TNFRSF21: variants seen among roughly 807,000 people sequenced by gnomAD.
The protein encoded by TNFRSF21 is TNF receptor superfamily member 21.
A neutral mutation model predicts 45.6 loss-of-function variants in TNFRSF21; 19 were observed. That is an observed-to-expected ratio of 0.42 (90% CI 0.29 to 0.61). The LOEUF (loss-of-function observed/expected upper bound fraction) is 0.61, where lower values mean the gene tolerates loss of function less well. TNFRSF21 is among the 20% of genes least tolerant of loss of function. The pLI, the probability that TNFRSF21 is intolerant of heterozygous loss-of-function variation, is 0.23. For missense variants in TNFRSF21, 737 were observed against 851.5 expected (o/e 0.87, Z 1.67); for synonymous variants, 314 against 335.5 (o/e 0.94, Z 0.70).
intron 1 of TNFRSF21, among the ~76,000 whole-genome samples, chr6:47,301,450 T>C (rs1482092575): frequency 6.6e-6 from 1 of 152,206 alleles, no homozygotes; most frequent in Non-Finnish European, 1.5e-5. Context: ...CTTCTACACA[T>C]AAAAGAATAG....
chr6:47,251,970 A>G (rs1023129980), intron 4 of TNFRSF21, among the ~76,000 whole-genome samples: 5 of 152,232 alleles, frequency 3.3e-5, no homozygotes, highest in African/African-American at 1.2e-4. Flanking sequence ...GAAGTTAAAA[A>G]TATGCCAGAG....
intron 4 of TNFRSF21, among the ~76,000 whole-genome samples, chr6:47,244,323 CA>C (rs764763953): frequency 0.23 from 17,787 of 75,868 alleles, 1,110 homozygotes; most frequent in African/African-American, 0.38. Context: ...GACTCCGTCT[CA>C]AAAAAAAAAA....
At chr6:47,301,723 C>T (rs951242027) in intron 1 of TNFRSF21, among the ~76,000 whole-genome samples, 5 of 152,164 alleles carry the variant, frequency 3.3e-5, no homozygotes, top group Non-Finnish European at 5.9e-5. Flanking sequence ...GCCGCCCTTC[C>T]GTTCTGCCAT....
intron 4 of TNFRSF21, among the ~76,000 whole-genome samples, chr6:47,240,121 C>T (rs1334890628): frequency 6.6e-6 from 1 of 152,146 alleles, no homozygotes; most frequent in African/African-American, 2.4e-5. Flanking sequence ...TGACACTACC[C>T]AGTTCAATAC....
Position 47,232,862 on chromosome 6 carries a change from T to A in TNFRSF21, c.1871A>T (p.Lys624Ile). The change falls in exon 6 of 6, where the codon AAA becomes ATA. Residue 624 changes from lysine to isoleucine, a missense_variant. Lys to Ile is a moderately radical substitution (Grantham distance 102). Transcript: ENST00000296861. ...VIEEIPQAED[K>I]LDRLFEIIGV... ...AATAATTTCGAATAGCCGGTCTAGT[T>A]TGTCCTCAGCCTGGGGAATCTCTTC... The A allele has an allele frequency of 6.2e-7, 1 of 1,614,182 alleles. No individual in the cohort carries two copies. The highest frequency in any genetic ancestry group is 1.7e-4 in the Middle Eastern group (1 of 6,058).
rs1762457164 is a variant in TNFRSF21 at position 47,273,552 on chromosome 6, A to G, written c.1243+10386T>C. ...TATTGATGACAAACCCACAGCCAAC[A>G]TCATACTGAATGGGCAAAAACTGGA... On this transcript the variant is annotated intron_variant, in intron 3 of 5. Transcript: ENST00000296861. Among the ~76,000 whole-genome samples, 6 of 152,206 alleles carry G rather than the reference A, an allele frequency of 3.9e-5. No individual in the cohort carries two copies. In the South Asian group the frequency reaches 1.2e-3, roughly 32 times the overall value.
At position 47,309,679 on chromosome 6, in the gene TNFRSF21, G is replaced by C; in HGVS notation, c.-168C>G. 9.5e-7 allele frequency: 1 copy of C among 1,052,522 alleles called. No homozygotes were observed. The highest frequency in any genetic ancestry group is 2.3e-5 in the South Asian group (1 of 43,200). 65.2% of individuals were successfully genotyped at this position (1,052,522 alleles called of 1,614,324 possible). ...CCGGGCAGAGGAGGGAGGCGGCAAG[G>C]GAGGCTCTAGGGGCGCTCAGCACCT... On this transcript the variant is annotated 5_prime_UTR_variant, in exon 1 of 6. Coordinates refer to ENST00000296861, the MANE Select transcript of TNFRSF21 (RefSeq NM_014452.5).
chr6:47,269,441 T>C (rs1390731716), intron 3 of TNFRSF21, among the ~76,000 whole-genome samples: 1 of 152,204 alleles, frequency 6.6e-6, no homozygotes, highest in Non-Finnish European at 1.5e-5. Flanking sequence ...GAATAACAAG[T>C]CTTTGTAAAG....
chr6:47,304,938 C>A (rs1762918160), intron 1 of TNFRSF21, among the ~76,000 whole-genome samples: 1 of 152,208 alleles, frequency 6.6e-6, no homozygotes, highest in Non-Finnish European at 1.5e-5. Context: ...AGGACTCCTG[C>A]ATTCCAGCAC....
chr6:47,275,185 A>T (rs541821995), intron 3 of TNFRSF21, among the ~76,000 whole-genome samples: 11 of 152,196 alleles, frequency 7.2e-5, no homozygotes, highest in Non-Finnish European at 1.3e-4. Flanking sequence ...AAATCATGCT[A>T]CTATAAAGAT....
rs371939288 is a variant in TNFRSF21 at position 47,232,900 on chromosome 6, C to T, written c.1833G>A (p.Glu611=). The T allele has an allele frequency of 6.2e-7, 1 of 1,614,104 alleles. No homozygotes were observed. The change falls in exon 6 of 6, where the codon GAG becomes GAA. Residue 611 remains glutamate, a synonymous_variant. Coordinates refer to ENST00000296861, the MANE Select transcript of TNFRSF21 (RefSeq NM_014452.5). The part of the protein sequence containing the change: ...DDMLHFLNPE[E]LRVIEEIPQA... ...GGGGAATCTCTTCAATCACCCGCAG[C>T]TCCTCAGGATTTAGAAAGTGGAGCA...
rs1353507962 is a variant in TNFRSF21 at position 47,284,146 on chromosome 6, G to A, written c.1035C>T (p.Asp345=). 6.2e-7 allele frequency: 1 copy of A among 1,614,244 alleles called. No individual in the cohort carries two copies. Among genetic ancestry groups the A allele is most frequent in the Non-Finnish European group, 8.5e-7 (1 of 1,180,042 alleles). ...TCATCCAGGGCAAATGCTCATTGAT[G>A]TCAAAATGCTTGTGTAGGTTCTGTC... ...HPRQNLHKHF[D]INEHLPWMIV... The change falls in exon 3 of 6, where the codon GAC becomes GAT. Residue 345 remains aspartate, a synonymous_variant. Transcript: ENST00000296861.
At chr6:47,234,597 C>A in intron 5 of TNFRSF21, 73 bp downstream of exon 5, 1 of 1,223,666 alleles carries the variant, frequency 8.2e-7, no homozygotes, top group Non-Finnish European at 1.2e-6. Context: ...GGACTGTGGA[C>A]GGGGAGGGAC....
rs188839653 is a variant in TNFRSF21, at chr6:47,252,633, C to A, written c.1509+623G>T. On this transcript the variant is annotated intron_variant, in intron 4 of 5. Coordinates refer to ENST00000296861, the MANE Select transcript of TNFRSF21 (RefSeq NM_014452.5). ...AGTAACTTACCCTTCATCACCTAAG[C>A]TAATATGTACCAGAGCCAGGATTCA... is the stretch of plus-strand genomic sequence containing the variant. 3.6e-3 allele frequency among the ~76,000 whole-genome samples: 545 copies of A among 152,326 alleles called. 4 individuals are homozygous for A. Among genetic ancestry groups the A allele is most frequent in the South Asian group, 0.021 (103 of 4,822 alleles).
chr6:47,259,497 C>A (rs1765039779), intron 3 of TNFRSF21, among the ~76,000 whole-genome samples: 1 of 152,084 alleles, frequency 6.6e-6, no homozygotes, highest in South Asian at 2.1e-4. Flanking sequence ...GCCTCAGGCT[C>A]CCGAGTAGCT....
intron 1 of TNFRSF21, among the ~76,000 whole-genome samples, chr6:47,292,923 C>G (rs759427255): frequency 6.6e-6 from 1 of 152,182 alleles, no homozygotes; most frequent in Non-Finnish European, 1.5e-5. Context: ...ACATAGCGTT[C>G]TGTGATTTGC....
chr6:47,263,482 C>T (rs886337737), intron 3 of TNFRSF21, among the ~76,000 whole-genome samples: 1 of 152,102 alleles, frequency 6.6e-6, no homozygotes, highest in Non-Finnish European at 1.5e-5. Context: ...TCCTGGAGCT[C>T]TCCACTGTTT....
At chr6:47,271,282 C>A (rs1433406757) in intron 3 of TNFRSF21, among the ~76,000 whole-genome samples, 2 of 152,188 alleles carry the variant, frequency 1.3e-5, no homozygotes, top group African/African-American at 4.8e-5. Context: ...AGGTTACCCA[C>A]AAAGGGAAGC....
At chr6:47,257,153 TAA>T (rs1031051853) in intron 3 of TNFRSF21, among the ~76,000 whole-genome samples, 7 of 152,208 alleles carry the variant, frequency 4.6e-5, no homozygotes, top group African/African-American at 1.7e-4. Context: ...TTAAAAGGTT[TAA>T]GTTTAACAAC....
Sources: allele counts gnomAD v4.1 joint callset (sites outside exome capture counted in the v4.1 genomes callset), GRCh38; gene constraint gnomAD v4.1.1; transcripts MANE v1.5; gene names NCBI Gene and HGNC (gene_info 2026-07-23, HGNC 2026-07-21).